The following OR10G3 variants were observed in gnomAD, a reference collection of about 807,000 sequenced individuals.
The protein encoded by OR10G3 is olfactory receptor family 10 subfamily G member 3.
Under a neutral mutation model 13.4 loss-of-function variants are expected in OR10G3, and 8 were observed. The observed-to-expected ratio is 0.60, with a 90% CI of 0.35 to 1.08. The LOEUF (loss-of-function observed/expected upper bound fraction) is 1.08. Ranked by LOEUF, OR10G3 falls within the 50% of genes least tolerant of loss-of-function variation. The pLI is 0.02. For missense variants in OR10G3, 393 were observed against 386.6 expected, an observed-to-expected ratio of 1.02 and a Z score of -0.14; for synonymous variants, 142 against 156.1, an observed-to-expected ratio of 0.91 and a Z score of 0.67.
intron 1 of OR10G3, among the ~76,000 whole-genome samples, chr14:21,572,426 A>G (rs1893081292): frequency 6.7e-6 from 1 of 149,832 alleles, no homozygotes; most frequent in Non-Finnish European, 1.5e-5. Context: ...GTGAAACCCC[A>G]TCTCTACTAA....
Position 21,568,780 on chromosome 14 carries a change from G to A in OR10G3, c.*1023C>T, listed in dbSNP as rs1484649148. 2.7e-5 allele frequency: 4 copies of A among 150,626 alleles called. No homozygotes were observed. The highest frequency in any genetic ancestry group is 3.0e-5 in the Non-Finnish European group (2 of 67,782). 9.3% of individuals were successfully genotyped at this position (150,626 alleles called of 1,614,324 possible). A position where few individuals can be genotyped will look rare whatever the true frequency, so the allele number is the denominator to read the frequency against. On this transcript the variant is annotated 3_prime_UTR_variant, in exon 2 of 2. Coordinates refer to ENST00000641040, the MANE Select transcript of OR10G3 (RefSeq NM_001005465.2). ...GGCTGGAGTGCAGTGGTGCGATCTC[G>A]GCTCACTGCAACCTCCGCCTCCCAG... is the stretch of plus-strand genomic sequence containing the variant.
rs1304029876 is a variant in OR10G3 at position 21,579,800 on chromosome 14, A to G, written c.-32T>C. 1 of 152,250 alleles carries G rather than the reference A, an allele frequency of 6.6e-6. No individual in the cohort carries two copies. The highest frequency in any genetic ancestry group is 1.5e-5 in the Non-Finnish European group (1 of 68,056). 9.4% of individuals were successfully genotyped at this position (152,250 alleles called of 1,614,324 possible). ...GAGGAACTCACCTGAAGGTGTCAGC[A>G]TCCATCAAAAACTCTTCTTGCAGAC... is the stretch of plus-strand genomic sequence containing the variant. On this transcript the variant is annotated 5_prime_UTR_variant, in exon 1 of 2. The change abolishes an upstream ATG in the 5' untranslated region. Coordinates refer to ENST00000641040, the MANE Select transcript of OR10G3 (RefSeq NM_001005465.2).
At chr14:21,570,848 T>C (rs80204094) in intron 1 of OR10G3, 87 bp from the exon 2 acceptor site, 12,463 of 721,356 alleles carry the variant, frequency 0.017, 653 homozygotes, top group East Asian at 0.15. Flanking sequence ...CTAGGGGCAG[T>C]GGCAGAGAAG....
chr14:21,570,115 A>G lies in OR10G3; in HGVS notation c.630T>C (p.Ser210=), dbSNP rs772923793. 1.2e-6 allele frequency: 2 copies of G among 1,614,104 alleles called. No individual in the cohort carries two copies. Among genetic ancestry groups the G allele is most frequent in the Admixed American group, 1.7e-5 (1 of 60,000 alleles). ...TFVDIGVVVA[S]CFSLILLSYI... ...AGGAGAGGAGGATCAGGGAGAAGCA[A>G]CTGGCAACCACCACCCCAATGTCTA... Residue 210 remains serine (S), a synonymous_variant, in exon 2 of 2, where the codon AGT becomes AGC. Coordinates refer to ENST00000641040, the MANE Select transcript of OR10G3 (RefSeq NM_001005465.2).
intron 1 of OR10G3, among the ~76,000 whole-genome samples, chr14:21,579,557 T>A (rs1296336531): frequency 6.6e-6 from 1 of 152,212 alleles, no homozygotes; most frequent in Admixed American, 6.5e-5. Context: ...TTAGCCACTA[T>A]TTATAAAAAG....
At position 21,570,331 on chromosome 14, in the gene OR10G3, A is replaced by C; in HGVS notation, c.414T>G (p.Thr138=). ...CQPLRYPVLM[T]AKLSALLVAG... is the part of the protein sequence containing the mutation. ...CCACAAGCAAGGCGCTCAGCTTAGC[A>C]GTCATGAGCACAGGGTAGCGCAGGG... The change falls in exon 2 of 2, where the codon ACT becomes ACG. Residue 138 remains threonine (T), a synonymous_variant. Coordinates refer to ENST00000641040, the MANE Select transcript of OR10G3 (RefSeq NM_001005465.2). 6.2e-7 allele frequency: 1 copy of C among 1,614,232 alleles called. No individual in the cohort carries two copies. The highest frequency in any genetic ancestry group is 8.5e-7 in the Non-Finnish European group (1 of 1,180,038).
chr14:21,575,515 G>T (rs573644984), intron 1 of OR10G3, among the ~76,000 whole-genome samples: 5 of 151,916 alleles, frequency 3.3e-5, no homozygotes, highest in African/African-American at 1.2e-4. Flanking sequence ...TGAGTAGCTG[G>T]GATTACAGGC....
intron 1 of OR10G3, among the ~76,000 whole-genome samples, chr14:21,579,124 A>C (rs1876831186): frequency 6.6e-6 from 1 of 152,260 alleles, no homozygotes; most frequent in Admixed American, 6.5e-5. Flanking sequence ...GTTGGTATTA[A>C]AACCAGTGAA....
intron 1 of OR10G3, among the ~76,000 whole-genome samples, chr14:21,572,774 T>A (rs1240908431): frequency 1.3e-5 from 2 of 152,182 alleles, no homozygotes; most frequent in South Asian, 4.1e-4. Context: ...CTGTATTCTG[T>A]CATTGGTTGA....
At chr14:21,574,678 T>G (rs1893108696) in intron 1 of OR10G3, 1 of 152,242 alleles carries the variant, frequency 6.6e-6, no homozygotes, top group Admixed American at 6.5e-5. Flanking sequence ...CTGGGTGTGG[T>G]GGCTTATGCC....
At chr14:21,572,290 A>AAAG (rs1893079299) in intron 1 of OR10G3, among the ~76,000 whole-genome samples, 1 of 92,318 alleles carries the variant, frequency 1.1e-5, no homozygotes, top group African/African-American at 4.5e-5. Flanking sequence ...CATCTCAAAA[A>AAAG]AAAAAAAAAA....
chr14:21,570,418 G>T lies in OR10G3; in HGVS notation c.327C>A (p.Gly109=). The T allele has an allele frequency of 6.2e-7, 1 of 1,614,148 alleles. No homozygotes were observed. Among genetic ancestry groups the T allele is most frequent in the Non-Finnish European group, 8.5e-7 (1 of 1,180,018 alleles). Reference sequence around the variant, plus strand: ...GGGTGTAGAGGAAGCACTGGGTGCTGCCCAGGAAGTGATAGAAATAGAGTT... The same window carrying T: ...GGGTGTAGAGGAAGCACTGGGTGCTTCCCAGGAAGTGATAGAAATAGAGTT... The part of the protein sequence containing the change: ...VAQLYFYHFL[G]STQCFLYTLM... The change falls in exon 2 of 2, where the codon GGC becomes GGA. Residue 109 remains glycine, a synonymous_variant. Transcript: ENST00000641040.
rs536987240 is a variant in OR10G3, at chr14:21,569,718, A to G, written c.*85T>C. ...TATGGCTATATAAAAGAGAAAAAAC[A>G]AGAAGAAAAGAAAAAAGTTACCGAA... On this transcript the variant is annotated 3_prime_UTR_variant, in exon 2 of 2. Transcript: ENST00000641040. 2 of 1,119,476 alleles carry G rather than the reference A, an allele frequency of 1.8e-6. No homozygotes were observed. Among genetic ancestry groups the G allele is most frequent in the East Asian group, 5.0e-5 (2 of 39,856 alleles). 69.3% of individuals were successfully genotyped at this position (1,119,476 alleles called of 1,614,324 possible).
chr14:21,572,039 C>T (rs1893074648), intron 1 of OR10G3, among the ~76,000 whole-genome samples: 1 of 148,290 alleles, frequency 6.7e-6, no homozygotes, highest in Admixed American at 6.7e-5. Context: ...TGCCTGTAAT[C>T]CTAGCACTTT....
chr14:21,573,976 T>G (rs1893099498), intron 1 of OR10G3, among the ~76,000 whole-genome samples: 1 of 152,124 alleles, frequency 6.6e-6, no homozygotes, highest in Non-Finnish European at 1.5e-5. Flanking sequence ...TGAAAAATAC[T>G]CATGACTTGA....
At chr14:21,574,970 A>G (rs1467854604) in intron 1 of OR10G3, 2 of 151,544 alleles carry the variant, frequency 1.3e-5, no homozygotes, top group Non-Finnish European at 2.9e-5. Context: ...AAAAAAGCCA[A>G]CTCCTCTGGG....
intron 1 of OR10G3, among the ~76,000 whole-genome samples, chr14:21,579,490 C>G (rs1427121582): frequency 6.6e-6 from 1 of 152,152 alleles, no homozygotes; most frequent in African/African-American, 2.4e-5. Context: ...GGTGATCCGC[C>G]CGTCTTGGCA....
chr14:21,570,538 G>A lies in OR10G3; in HGVS notation c.207C>T (p.Val69=), dbSNP rs1299672263. 2 of 1,614,066 alleles carry A rather than the reference G, an allele frequency of 1.2e-6. No individual in the cohort carries two copies. Among genetic ancestry groups the A allele is most frequent in the African/African-American group, 1.3e-5 (1 of 74,938 alleles). Residue 69 remains valine (V), a synonymous_variant, in exon 2 of 2, where the codon GTC becomes GTT. Transcript: ENST00000641040. ...TGATGGAGGAGATGCTCATATCAATGACTGAGAGAACACCAAGAAAGATGT... is the reference window on the plus strand; with the variant it reads ...TGATGGAGGAGATGCTCATATCAATAACTGAGAGAACACCAAGAAAGATGT... ...PMYIFLGVLS[V]IDMSISSIIV...
chr14:21,568,539 T>C lies in OR10G3; in HGVS notation c.*1264A>G, dbSNP rs1893025425. 3 of 152,126 alleles carry C rather than the reference T, an allele frequency of 2.0e-5. No homozygotes were observed. The highest frequency in any genetic ancestry group is 7.2e-5 in the African/African-American group (3 of 41,434). The allele number at this position is 152,126 out of a possible 1,614,324, so 9.4% of individuals were successfully genotyped here. A position where few individuals can be genotyped will look rare whatever the true frequency, so the allele number is the denominator to read the frequency against. ...AAAATTGCTTTTTAAGAAAATTTTA[T>C]TTCAATAGTTTTTGGAGTACAGGTG... On this transcript the variant is annotated 3_prime_UTR_variant, in exon 2 of 2. Coordinates refer to ENST00000641040, the MANE Select transcript of OR10G3 (RefSeq NM_001005465.2).
Sources: gnomAD v4.1 joint callset for allele counts (sites outside exome capture counted in the v4.1 genomes callset) on GRCh38, gnomAD v4.1.1 for gene constraint, MANE v1.5 for transcripts, NCBI Gene and HGNC (gene_info 2026-07-23, HGNC 2026-07-21) for gene names.